Variants in TOP2B observed in about 807,000 individuals in gnomAD.
The protein encoded by TOP2B is DNA topoisomerase II beta, also known as DNA topoisomerase 2-beta.
Under a neutral mutation model 193.5 loss-of-function variants are expected in TOP2B, and 51 were observed. That is an observed-to-expected ratio of 0.26 (90% CI 0.21 to 0.33). The LOEUF is 0.33. Among genes scored for constraint, TOP2B ranks in the 10% least tolerant of loss-of-function variants. The probability of loss-of-function intolerance (pLI) is 1.00; values close to 1 mark genes in which losing one functional copy is unlikely to be tolerated. For missense variants in TOP2B, 1,378 were observed against 1,909.3 expected (o/e 0.72, Z 5.19); for synonymous variants, 634 against 635.7 (o/e 1.00, Z 0.04).
chr3:25,664,356 G>A lies in TOP2B; in HGVS notation c.-59C>T, dbSNP rs1704023081. On this transcript the variant is annotated 5_prime_UTR_variant, in exon 1 of 36. Coordinates refer to ENST00000264331, the MANE Select transcript of TOP2B (RefSeq NM_001330700.2). ...GCAGCCGCCGCTCCCGCCTCCCTGC[G>A]GGCCGCTGGGCCCCGCCGCTCCGCA... 3.6e-6 allele frequency: 5 copies of A among 1,391,586 alleles called. No homozygotes were observed. The highest frequency in any genetic ancestry group is 4.6e-6 in the Non-Finnish European group (5 of 1,084,520). 86.2% of individuals were successfully genotyped at this position (1,391,586 alleles called of 1,614,324 possible). A position where few individuals can be genotyped will look rare whatever the true frequency, so the allele number is the denominator to read the frequency against.
intron 1 of TOP2B, among the ~76,000 whole-genome samples, chr3:25,648,627 C>T (rs1440965006): frequency 6.6e-6 from 1 of 152,004 alleles, no homozygotes; most frequent in Non-Finnish European, 1.5e-5. Flanking sequence ...GAGGCTGAGG[C>T]AGGCAGATCC....
At chr3:25,608,528 T>C (rs1264976106) in intron 30 of TOP2B, among the ~76,000 whole-genome samples, 2 of 152,178 alleles carry the variant, frequency 1.3e-5, no homozygotes, top group South Asian at 2.1e-4. Flanking sequence ...GTCTGATATA[T>C]AATTAAAAAT....
At chr3:25,641,614 C>A (rs1328314283) in intron 4 of TOP2B, among the ~76,000 whole-genome samples, 2 of 151,636 alleles carry the variant, frequency 1.3e-5, no homozygotes, top group Non-Finnish European at 2.9e-5. Context: ...ATGGTATAAC[C>A]AAATACAAAT....
At chr3:25,637,101 G>A (rs1348333759) in intron 6 of TOP2B, 114 bp downstream of exon 6, 13 of 708,398 alleles carry the variant, frequency 1.8e-5, no homozygotes, top group East Asian at 8.9e-5. Flanking sequence ...TAATGCTTTG[G>A]AAAAAAAAAA....
rs565302854 is a variant in TOP2B at position 25,641,945 on chromosome 3, T to C, written c.395+377A>G. On this transcript the variant is annotated intron_variant, in intron 4 of 35. Coordinates refer to ENST00000264331, the MANE Select transcript of TOP2B (RefSeq NM_001330700.2). ...CAACAGTACCTAATCTATTAAATTA[T>C]GTCATAAATAATGGAAAACTCCAAA... is the stretch of plus-strand genomic sequence containing the variant. Among the ~76,000 whole-genome samples, 39 of 152,260 alleles carry C rather than the reference T, an allele frequency of 2.6e-4. No homozygotes were observed. In the South Asian group the frequency reaches 7.9e-3, roughly 31 times the overall value.
intron 3 of TOP2B, among the ~76,000 whole-genome samples, chr3:25,643,030 T>C (rs1400107784): frequency 1.3e-5 from 2 of 152,142 alleles, no homozygotes; most frequent in African/African-American, 4.8e-5. Context: ...AGGTATAAAA[T>C]GCAACACAGT....
chr3:25,648,945 A>G (rs571571676), intron 1 of TOP2B, among the ~76,000 whole-genome samples: 1 of 152,354 alleles, frequency 6.6e-6, no homozygotes, highest in African/African-American at 2.4e-5. Flanking sequence ...ATTAACTGCC[A>G]TAAGGATGCT....
At chr3:25,663,238 C>A (rs1347386819) in intron 1 of TOP2B, among the ~76,000 whole-genome samples, 1 of 151,972 alleles carries the variant, frequency 6.6e-6, no homozygotes, top group East Asian at 1.9e-4. Context: ...CTCACCCAAA[C>A]AAAGAGAAAA....
intron 1 of TOP2B, among the ~76,000 whole-genome samples, chr3:25,651,403 A>T (rs1703584798): frequency 6.6e-6 from 1 of 151,960 alleles, no homozygotes; most frequent in African/African-American, 2.4e-5. Flanking sequence ...TATCTGTAGA[A>T]TATACACAAA....
intron 6 of TOP2B, among the ~76,000 whole-genome samples, chr3:25,636,722 A>G (rs1456166827): frequency 6.6e-6 from 1 of 152,094 alleles, no homozygotes; most frequent in African/African-American, 2.4e-5. Flanking sequence ...ATAAACATGC[A>G]TGATGCTTTT....
Position 25,598,147 on chromosome 3 carries a change from TATGTGTAAGAACAAA to T in TOP2B, c.*145_*159del. ...ATGAGTAAAAAAGAGCATAAAACTGTATGTGTAAGAACAAAATGTTAAAAGGCCTACCACAATAAT... is the reference window on the plus strand; with the variant it reads ...ATGAGTAAAAAAGAGCATAAAACTGTATGTTAAAAGGCCTACCACAATAAT... On this transcript the variant is annotated 3_prime_UTR_variant, in exon 36 of 36. Coordinates refer to ENST00000264331, the MANE Select transcript of TOP2B (RefSeq NM_001330700.2). 3.0e-6 allele frequency: 2 copies of T among 671,454 alleles called. No homozygotes were observed. Among genetic ancestry groups the T allele is most frequent in the East Asian group, 5.6e-5 (2 of 35,504 alleles). 41.6% of individuals were successfully genotyped at this position (671,454 alleles called of 1,614,324 possible).
At position 25,645,397 on chromosome 3, in the gene TOP2B, T is replaced by A; in HGVS notation, c.143A>T (p.Lys48Met). ...CTGATACACTCTCTCAACAGACAAC[T>A]TCTTTGAAGAATCATTTTTGTTGGC... ...ETANKNDSSK[K>M]LSVERVYQKK... The change falls in exon 2 of 36, where the codon AAG becomes ATG. Residue 48 changes from lysine (K) to methionine (M), a missense_variant. Physicochemically the swap from Lys to Met is moderately conservative, Grantham distance 95. Around this residue, in one of 9 missense-constraint regions of TOP2B, gnomAD observed 83 missense variants for 59.3 expected, o/e 1.40. Transcript: ENST00000264331. 2 of 1,613,892 alleles carry A rather than the reference T, an allele frequency of 1.2e-6. No homozygotes were observed. The highest frequency in any genetic ancestry group is 1.7e-6 in the Non-Finnish European group (2 of 1,179,824).
intron 2 of TOP2B, among the ~76,000 whole-genome samples, chr3:25,644,702 G>T: frequency 6.6e-6 from 1 of 151,636 alleles, no homozygotes; most frequent in Non-Finnish European, 1.5e-5. Flanking sequence ...CACGGGGTGG[G>T]GGGGCATCAG....
chr3:25,662,783 A>C lies in TOP2B; in HGVS notation c.69+1446T>G, dbSNP rs139476978. ...TACCATTATAGAACCAGAGGTCTTC[A>C]GAGGAAACACCGATCAGGCCTCAAC... On this transcript the variant is annotated intron_variant, in intron 1 of 35. Coordinates refer to ENST00000264331, the MANE Select transcript of TOP2B (RefSeq NM_001330700.2). Among the ~76,000 whole-genome samples, 1,488 of 152,350 alleles carry C rather than the reference A, an allele frequency of 9.8e-3. 26 individuals carry two copies. Among genetic ancestry groups the C allele is most frequent in the African/African-American group, 0.033 (1,359 of 41,580 alleles).
rs56986587 is a variant in TOP2B at position 25,638,314 on chromosome 3, T to TAAA, written c.396-7_396-5dup. 5 of 131,924 alleles carry TAAA rather than the reference T, an allele frequency of 3.8e-5. 1 individual carries two copies. The highest frequency in any genetic ancestry group is 2.5e-4 in the East Asian group (1 of 4,080). 8.2% of individuals were successfully genotyped at this position (131,924 alleles called of 1,614,324 possible). On this transcript the variant is annotated splice_region_variant and splice_polypyrimidine_tract_variant and intron_variant, in intron 4 of 35. Coordinates refer to ENST00000264331, the MANE Select transcript of TOP2B (RefSeq NM_001330700.2). The stretch of plus-strand genomic sequence containing the variant: ...AATGCTTATAATGTTAGATTCACTG[T>TAAA]AAAAAAAAAAAAAAAAAAAAAAAAA...
In TOP2B at chr3:25,664,676, C is replaced by T. The variant is rs1350028347; in HGVS notation, c.-379G>A. 1 of 984,830 alleles carries T rather than the reference C, an allele frequency of 1.0e-6. No individual in the cohort carries two copies. Among genetic ancestry groups the T allele is most frequent in the African/African-American group, 1.7e-5 (1 of 57,154 alleles). The allele number at this position is 984,830 out of a possible 1,614,324, so 61.0% of individuals were successfully genotyped here. On this transcript the variant is annotated 5_prime_UTR_variant, in exon 1 of 36. Coordinates refer to ENST00000264331, the MANE Select transcript of TOP2B (RefSeq NM_001330700.2). ...GAGGGCGGCCGGGGAGCCCGAGGCG[C>T]TCGGACGTGGCGAGGACGCAGAGGT... is the stretch of plus-strand genomic sequence containing the variant.
At chr3:25,664,013 G>T (rs545772880) in intron 1 of TOP2B, among the ~76,000 whole-genome samples, 2 of 152,238 alleles carry the variant, frequency 1.3e-5, no homozygotes, top group Non-Finnish European at 2.9e-5. Context: ...TACACATTAC[G>T]CTCTGGCAGT....
In TOP2B at chr3:25,609,265, A is replaced by T; in HGVS notation, c.4011T>A (p.Asp1337Glu). 6.2e-7 allele frequency: 1 copy of T among 1,604,424 alleles called. No individual in the cohort carries two copies. The highest frequency in any genetic ancestry group is 8.5e-7 in the Non-Finnish European group (1 of 1,174,590). Residue 1337 changes from aspartate to glutamate, a missense_variant, in exon 30 of 36, where the codon GAT (aspartate) becomes GAA (glutamate). Asp to Glu is a conservative substitution (Grantham distance 45). Coordinates refer to ENST00000264331, the MANE Select transcript of TOP2B (RefSeq NM_001330700.2). Reference protein sequence around the residue: ...KKVKKRNPWSDDESKSESDLE... With the variant: ...KKVKKRNPWSEDESKSESDLE... ...AATCACTTTCTGACTTGGATTCATC[A>T]TCTGACCAAGGATTCCGTTTCTTCA...
At position 25,624,187 on chromosome 3, in the gene TOP2B, T is replaced by C. The variant is rs1338922781; in HGVS notation, c.2495+110A>G. The C allele has an allele frequency of 3.9e-6, 5 of 1,291,434 alleles. No individual in the cohort carries two copies. The East Asian group carries it at 9.3e-5, about 24-fold the overall frequency. 80.0% of individuals were successfully genotyped at this position (1,291,434 alleles called of 1,614,324 possible). A position where few individuals can be genotyped will look rare whatever the true frequency, so the allele number is the denominator to read the frequency against. ...TAATTTGGAACATTCACCTTCTAAG[T>C]AGAATAACCAGATAATCACATCTCT... is the stretch of plus-strand genomic sequence containing the variant. On this transcript the variant is annotated intron_variant, in intron 20 of 35. Transcript: ENST00000264331.
Sources: allele counts gnomAD v4.1 joint callset (sites outside exome capture counted in the v4.1 genomes callset), GRCh38; gene constraint gnomAD v4.1.1; regional missense constraint gnomAD v4.1.1; transcripts MANE v1.5; gene names NCBI Gene and HGNC (gene_info 2026-07-23, HGNC 2026-07-21).